The following GAD2 variants were observed in gnomAD, a reference collection of about 807,000 sequenced individuals.
GAD2 encodes 65 kDa glutamic acid decarboxylase.
GAD2 carries 22 observed loss-of-function variants against 80.1 expected under a neutral mutation model. The ratio of observed to expected loss-of-function variants is 0.27; its 90% CI spans 0.20 to 0.39. GAD2 has a LOEUF of 0.39. Ranked by LOEUF, GAD2 falls within the 10% of genes least tolerant of loss-of-function variation. GAD2 has a pLI of 1.00. For synonymous variants in GAD2, 274 were observed against 256.9 expected, an observed-to-expected ratio of 1.07 and a Z score of -0.64; for missense variants, 624 against 738.4, an observed-to-expected ratio of 0.85 and a Z score of 1.80.
At chr10:26,241,556 T>C (rs534172643) in intron 7 of GAD2, among the ~76,000 whole-genome samples, 2 of 152,156 alleles carry the variant, frequency 1.3e-5, no homozygotes, top group East Asian at 1.9e-4. Context: ...ATTTCTTTTT[T>C]TTTTTTTTAG....
intron 7 of GAD2, among the ~76,000 whole-genome samples, chr10:26,232,183 C>G (rs1479398695): frequency 6.6e-6 from 1 of 152,158 alleles, no homozygotes; most frequent in East Asian, 1.9e-4. Flanking sequence ...GTTTGGACCC[C>G]TAAATAGTTA....
intron 7 of GAD2, among the ~76,000 whole-genome samples, chr10:26,242,142 T>C (rs547644567): frequency 2.1e-4 from 32 of 152,222 alleles, no homozygotes; most frequent in Middle Eastern, 3.4e-3. Context: ...CCCGCCACCA[T>C]GCCTGGCTAA....
chr10:26,218,833 T>C (rs375782159), intron 3 of GAD2, among the ~76,000 whole-genome samples: 1 of 152,200 alleles, frequency 6.6e-6, no homozygotes, highest in Non-Finnish European at 1.5e-5. Context: ...AGTAATTAAT[T>C]TGGGGAAGAG....
At chr10:26,272,837 C>G (rs1845151847) in intron 10 of GAD2, among the ~76,000 whole-genome samples, 1 of 152,130 alleles carries the variant, frequency 6.6e-6, no homozygotes, top group Non-Finnish European at 1.5e-5. Flanking sequence ...GCACTCCAGC[C>G]TGGGCAACAA....
intron 8 of GAD2, among the ~76,000 whole-genome samples, chr10:26,253,558 G>A (rs1477725695): frequency 6.6e-6 from 1 of 152,232 alleles, no homozygotes; most frequent in African/African-American, 2.4e-5. Context: ...AAGGGAAGAG[G>A]AGAGAAAATT....
chr10:26,276,528 T>G (rs2132309099), intron 11 of GAD2, among the ~76,000 whole-genome samples: 1 of 152,190 alleles, frequency 6.6e-6, no homozygotes, highest in Admixed American at 6.5e-5. Flanking sequence ...GTTACAGGTA[T>G]GCGCCACCAT....
At chr10:26,295,240 T>C (rs1247160103) in intron 15 of GAD2, among the ~76,000 whole-genome samples, 1 of 152,172 alleles carries the variant, frequency 6.6e-6, no homozygotes, top group Non-Finnish European at 1.5e-5. Flanking sequence ...AGAATATTAG[T>C]AAACTGTTTT....
At chr10:26,271,758 G>A (rs1845140028) in intron 10 of GAD2, among the ~76,000 whole-genome samples, 6 of 151,590 alleles carry the variant, frequency 4.0e-5, no homozygotes, top group Admixed American at 1.3e-4. Context: ...CCAAATTAAT[G>A]CTCTTTTTTT....
At chr10:26,273,018 C>T (rs1845154956) in intron 10 of GAD2, among the ~76,000 whole-genome samples, 1 of 152,178 alleles carries the variant, frequency 6.6e-6, no homozygotes, top group Admixed American at 6.5e-5. Context: ...AATGAATCTC[C>T]ATCTTGGCAT....
At chr10:26,270,149 G>T (rs946946529) in intron 9 of GAD2, among the ~76,000 whole-genome samples, 1 of 152,172 alleles carries the variant, frequency 6.6e-6, no homozygotes, top group African/African-American at 2.4e-5. Context: ...TATTTTAGCC[G>T]CTCCGTGCTG....
In GAD2 at chr10:26,217,925, G is replaced by A. The variant is rs2132267786; in HGVS notation, c.220G>A (p.Ala74Thr). The A allele has an allele frequency of 6.2e-7, 1 of 1,611,596 alleles. No homozygotes were observed. Among genetic ancestry groups the A allele is most frequent in the Non-Finnish European group, 8.5e-7 (1 of 1,179,138 alleles). The part of the protein sequence containing the change: ...PRAAARKAAC[A>T]CDQKPCSCSK... ...GGCCGCCGCCCGGAAGGCCGCCTGC[G>A]CCTGCGACCAGAAGCCCTGCAGCTG... Residue 74 changes from alanine (A) to threonine (T), a missense_variant, in exon 3 of 16, where the codon GCC (alanine) becomes ACC (threonine). Coordinates refer to ENST00000376261, the MANE Select transcript of GAD2 (RefSeq NM_001134366.2). This position sits in a 1 kb window ranked among gnomAD's most constrained non-coding sequence, Gnocchi z 4.9.
intron 8 of GAD2, among the ~76,000 whole-genome samples, chr10:26,266,647 T>C (rs1056281168): frequency 6.6e-6 from 1 of 152,156 alleles, no homozygotes; most frequent in Non-Finnish European, 1.5e-5. Flanking sequence ...TCCTTTCCAA[T>C]CTGCCAGAGG....
At chr10:26,219,543 A>T (rs1844427738) in intron 4 of GAD2, among the ~76,000 whole-genome samples, 1 of 152,238 alleles carries the variant, frequency 6.6e-6, no homozygotes, top group Admixed American at 6.5e-5. Flanking sequence ...TTGGACACGG[A>T]GGTTATACCA....
At chr10:26,223,708 CATGT>C (rs1331759943) in intron 4 of GAD2, among the ~76,000 whole-genome samples, 175 bp from the exon 5 acceptor site, 1 of 146,692 alleles carries the variant, frequency 6.8e-6, no homozygotes. Context: ...TGTGTATGTG[CATGT>C]GTGTGTGTGT....
intron 13 of GAD2, among the ~76,000 whole-genome samples, chr10:26,291,225 C>G (rs1589154377): frequency 6.6e-6 from 1 of 152,200 alleles, no homozygotes; most frequent in Non-Finnish European, 1.5e-5. Context: ...ATTAGCTTCC[C>G]TCACTTCTAC....
chr10:26,286,567 C>G (rs967623440), intron 13 of GAD2, 73 bp downstream of exon 13: 4 of 1,392,792 alleles, frequency 2.9e-6, no homozygotes, highest in Admixed American at 2.9e-5. Context: ...TATGAAATGT[C>G]AAAAAAGTGA....
chr10:26,253,489 C>A lies in GAD2; in HGVS notation c.920+7489C>A, dbSNP rs147223355. 2.9e-3 allele frequency among the ~76,000 whole-genome samples: 446 copies of A among 152,244 alleles called. 2 individuals are homozygous for A. Among genetic ancestry groups the A allele is most frequent in the African/African-American group, 0.01 (427 of 41,530 alleles). ...TAAACATTTGTGAAAGAAAACAGAGCAATATTTCAGAATTTGCTTGGGCCA... is the reference window on the plus strand; with the variant it reads ...TAAACATTTGTGAAAGAAAACAGAGAAATATTTCAGAATTTGCTTGGGCCA... On this transcript the variant is annotated intron_variant, in intron 8 of 15. Transcript: ENST00000376261.
In GAD2 at chr10:26,217,667, G is replaced by A; in HGVS notation, c.134G>A (p.Cys45Tyr). ...KFTGGIGNKL[C>Y]ALLYGDAEKP... ...ACGGGCGGCATCGGAAACAAACTGT[G>A]CGGTGAGTGCCCAGGGACCGGGGCG... Residue 45 changes from cysteine (C) to tyrosine (Y), a missense_variant and splice_region_variant, in exon 2 of 16, where the codon TGC becomes TAC. Cys to Tyr is a radical substitution (Grantham distance 194). Coordinates refer to ENST00000376261, the MANE Select transcript of GAD2 (RefSeq NM_001134366.2). The surrounding 1 kb of genome is among the most constrained non-coding windows in gnomAD (Gnocchi z 4.9). 1 of 1,613,476 alleles carries A rather than the reference G, an allele frequency of 6.2e-7. No homozygotes were observed. Among genetic ancestry groups the A allele is most frequent in the Non-Finnish European group, 8.5e-7 (1 of 1,179,742 alleles).
intron 12 of GAD2, among the ~76,000 whole-genome samples, chr10:26,281,414 G>T (rs924466279): frequency 6.6e-6 from 1 of 151,650 alleles, no homozygotes; most frequent in African/African-American, 2.4e-5. Flanking sequence ...AAATTTCCAG[G>T]TTTTTTTTCT....
Sources: gnomAD v4.1 joint callset for allele counts (sites outside exome capture counted in the v4.1 genomes callset) on GRCh38, gnomAD v4.1.1 for gene constraint, Gnocchi (gnomAD v3.1) non-coding constraint, MANE v1.5 for transcripts, NCBI Gene and HGNC (gene_info 2026-07-23, HGNC 2026-07-21) for gene names.